The following UTRN variants were observed in gnomAD, a reference collection of about 807,000 sequenced individuals.
UTRN encodes the protein utrophin.
Under a neutral mutation model 463.9 loss-of-function variants are expected in UTRN, and 283 were observed. The ratio of observed to expected loss-of-function variants is 0.61; its 90% confidence interval spans 0.55 to 0.67. The LOEUF (loss-of-function observed/expected upper bound fraction) is 0.67. UTRN is among the 30% of genes least tolerant of loss of function. The pLI is 0.00. For missense variants in UTRN, 3,922 were observed against 4,084.3 expected, an observed-to-expected ratio of 0.96 and a Z score of 1.08; for synonymous variants, 1,442 against 1,431.5, an observed-to-expected ratio of 1.01 and a Z score of -0.17.
At chr6:144,570,892 T>G (rs1418985876) in intron 50 of UTRN, among the ~76,000 whole-genome samples, 1 of 152,210 alleles carries the variant, frequency 6.6e-6, no homozygotes, top group African/African-American at 2.4e-5. Context: ...CCTTTACACT[T>G]AGGTTTCTTG....
Position 144,748,237 on chromosome 6 carries a change from T to C in UTRN, c.7940-9T>C, listed in dbSNP as rs1562857300. 6.3e-7 allele frequency: 1 copy of C among 1,587,582 alleles called. No individual in the cohort carries two copies. The highest frequency in any genetic ancestry group is 2.2e-5 in the East Asian group (1 of 44,602). ...TCCAAATTATTCTTTTTCTTTTTTT[T>C]AATCACAGAATTAACTCCTGAGGAG... On this transcript the variant is annotated splice_polypyrimidine_tract_variant and intron_variant, in intron 54 of 74. Coordinates refer to ENST00000367545, the MANE Select transcript of UTRN (RefSeq NM_007124.3).
At chr6:144,823,860 C>A (rs1779801690) in intron 66 of UTRN, among the ~76,000 whole-genome samples, 1 of 152,186 alleles carries the variant, frequency 6.6e-6, no homozygotes, top group Non-Finnish European at 1.5e-5. Context: ...GACACCTCTC[C>A]CTGGTATTGG....
chr6:144,438,711 C>T (rs1392218804), intron 11 of UTRN, 34 bp from the exon 12 acceptor site: 1 of 1,611,730 alleles, frequency 6.2e-7, no homozygotes, highest in African/African-American at 1.3e-5. Flanking sequence ...AGGGAAAAGG[C>T]TTGTAGGAAT....
intron 51 of UTRN, among the ~76,000 whole-genome samples, chr6:144,652,024 C>A (rs1778870548): frequency 6.6e-6 from 1 of 152,126 alleles, no homozygotes; most frequent in East Asian, 1.9e-4. Flanking sequence ...TCTTTTACTT[C>A]CTAATTATTC....
At chr6:144,569,725 G>T (rs1453650534) in intron 50 of UTRN, among the ~76,000 whole-genome samples, 1 of 152,188 alleles carries the variant, frequency 6.6e-6, no homozygotes, top group Non-Finnish European at 1.5e-5. Flanking sequence ...ATACAATGAG[G>T]AAGGCAGAAA....
At chr6:144,382,398 C>G (rs1781014348) in intron 2 of UTRN, among the ~76,000 whole-genome samples, 1 of 152,180 alleles carries the variant, frequency 6.6e-6, no homozygotes, top group Non-Finnish European at 1.5e-5. Flanking sequence ...GACTGGGCTG[C>G]ACCTGATTCC....
At chr6:144,804,557 A>G (rs551888191) in intron 65 of UTRN, among the ~76,000 whole-genome samples, 6 of 152,296 alleles carry the variant, frequency 3.9e-5, no homozygotes, top group Admixed American at 3.3e-4. Flanking sequence ...TCAGAAGGGA[A>G]TAGACTGGGG....
chr6:144,385,474 CAT>C (rs1170497888), intron 2 of UTRN, among the ~76,000 whole-genome samples: 1 of 152,192 alleles, frequency 6.6e-6, no homozygotes, highest in African/African-American at 2.4e-5. Flanking sequence ...GAAAAGCAAA[CAT>C]AAACTTATTC....
intron 23 of UTRN, among the ~76,000 whole-genome samples, chr6:144,472,568 A>G (rs1790768868): frequency 6.6e-6 from 1 of 152,170 alleles, no homozygotes; most frequent in African/African-American, 2.4e-5. Flanking sequence ...GGACATTAAA[A>G]ATTGATGTAG....
At chr6:144,837,350 C>G (rs1332283661) in intron 71 of UTRN, 2 of 152,236 alleles carry the variant, frequency 1.3e-5, no homozygotes, top group Admixed American at 6.5e-5. Flanking sequence ...CAGCAAGATA[C>G]TTTCATATGT....
chr6:144,598,401 G>C (rs1004877230), intron 51 of UTRN, among the ~76,000 whole-genome samples: 2 of 152,150 alleles, frequency 1.3e-5, no homozygotes, highest in African/African-American at 4.8e-5. Flanking sequence ...GTTAAGATAA[G>C]GGGTTGCAGA....
At chr6:144,337,194 C>CACACAAACACACA (rs1309149044) in intron 2 of UTRN, among the ~76,000 whole-genome samples, 1 of 126,702 alleles carries the variant, frequency 7.9e-6, no homozygotes, top group African/African-American at 3.3e-5. Context: ...CACACACACA[C>CACACAAACACACA]CACACACACA....
chr6:144,492,658 T>TGCCAGC (rs1793181070), intron 32 of UTRN, among the ~76,000 whole-genome samples: 1 of 152,260 alleles, frequency 6.6e-6, no homozygotes, highest in Non-Finnish European at 1.5e-5. Flanking sequence ...TGTTCCCTTT[T>TGCCAGC]CTCTGCAGCC....
At chr6:144,681,825 T>G (rs1307282964) in intron 52 of UTRN, among the ~76,000 whole-genome samples, 1 of 152,144 alleles carries the variant, frequency 6.6e-6, no homozygotes, top group Non-Finnish European at 1.5e-5. Context: ...CTTTTAAAAA[T>G]TTTTTTAATT....
At chr6:144,665,036 G>C (rs562467915) in intron 51 of UTRN, among the ~76,000 whole-genome samples, 16 of 152,240 alleles carry the variant, frequency 1.1e-4, no homozygotes, top group African/African-American at 3.9e-4. Context: ...GTTTAGTTAG[G>C]CTGAGCTTTG....
intron 17 of UTRN, among the ~76,000 whole-genome samples, chr6:144,451,115 A>T (rs978905842): frequency 3.3e-5 from 5 of 149,758 alleles, no homozygotes; most frequent in South Asian, 2.1e-4. Flanking sequence ...CCATCTCGAA[A>T]CAACAACAAC....
intron 51 of UTRN, among the ~76,000 whole-genome samples, chr6:144,641,131 G>A (rs1777716566): frequency 6.6e-6 from 1 of 152,118 alleles, no homozygotes; most frequent in Admixed American, 6.5e-5. Context: ...CTATGACACA[G>A]CCTCAGGAGG....
intron 53 of UTRN, among the ~76,000 whole-genome samples, chr6:144,715,805 C>T (rs1032228942): frequency 4.1e-5 from 6 of 146,864 alleles, no homozygotes; most frequent in Admixed American, 1.4e-4. Flanking sequence ...TCTGGATGCT[C>T]GATAAAAGTT....
Position 144,464,180 on chromosome 6 carries a change from A to G in UTRN, c.3066+1314A>G, listed in dbSNP as rs141274250. Among the ~76,000 whole-genome samples the G allele has an allele frequency of 3.6e-3, 542 of 152,304 alleles. 3 individuals carry two copies. The highest frequency in any genetic ancestry group is 0.013 in the African/African-American group (526 of 41,576). On this transcript the variant is annotated intron_variant, in intron 23 of 74. Transcript: ENST00000367545. ...ATGAAAATGTATGTTTTGAAAATCA[A>G]AGTCAGAGAACACGTGGTAGAAGAG...
Sources: allele counts gnomAD v4.1 joint callset (sites outside exome capture counted in the v4.1 genomes callset), GRCh38; gene constraint gnomAD v4.1.1; transcripts MANE v1.5; gene names NCBI Gene and HGNC (gene_info 2026-07-23, HGNC 2026-07-21).